Variants in XXYLT1 observed in about 807,000 individuals in gnomAD.
XXYLT1 encodes the protein xyloside xylosyltransferase 1, also known as UDP-xylose:alpha-xyloside alpha-1,3-xylosyltransferase.
XXYLT1 carries 20 observed loss-of-function variants against 28.9 expected under a neutral mutation model. That is an observed-to-expected ratio of 0.69 (90% confidence interval 0.49 to 1.00). The LOEUF (loss-of-function observed/expected upper bound fraction) is 1.00, where lower values mean the gene tolerates loss of function less well. Ranked by LOEUF, XXYLT1 falls within the 50% of genes least tolerant of loss-of-function variation. The probability of loss-of-function intolerance (pLI) is 0.00; values close to 1 mark genes in which losing one functional copy is unlikely to be tolerated. For synonymous variants in XXYLT1, 257 were observed against 253.8 expected, an observed-to-expected ratio of 1.01 and a Z score of -0.12; for missense variants, 542 against 560.1, an observed-to-expected ratio of 0.97 and a Z score of 0.33.
chr3:195,071,884 G>A (rs1201597181), intron 3 of XXYLT1, among the ~76,000 whole-genome samples: 2 of 152,132 alleles, frequency 1.3e-5, no homozygotes, highest in South Asian at 2.1e-4. Flanking sequence ...GGGTGGGAAC[G>A]AAGCGTTTAC....
chr3:195,068,429 AGAAAT>A lies in XXYLT1; in HGVS notation c.*1281_*1285del. Reference sequence around the variant, plus strand: ...CCTACGTACAGGAGGCCCCATCAAAAGAAATGACGCTTTAATTTCTGCTAAGGTCT... The same window carrying A: ...CCTACGTACAGGAGGCCCCATCAAAAGACGCTTTAATTTCTGCTAAGGTCT... On this transcript the variant is annotated 3_prime_UTR_variant, in exon 4 of 4. Transcript: ENST00000310380. 6.6e-6 allele frequency: 1 copy of A among 152,324 alleles called. No individual in the cohort carries two copies. Among genetic ancestry groups the A allele is most frequent in the Admixed American group, 6.5e-5 (1 of 15,300 alleles). The allele number at this position is 152,324 out of a possible 1,614,324, so 9.4% of individuals were successfully genotyped here.
intron 2 of XXYLT1, among the ~76,000 whole-genome samples, chr3:195,216,152 A>G (rs1177635861): frequency 6.6e-6 from 1 of 152,240 alleles, no homozygotes; most frequent in Non-Finnish European, 1.5e-5. Flanking sequence ...TCTGGGACAC[A>G]TTCAAAGCAG....
intron 3 of XXYLT1, among the ~76,000 whole-genome samples, chr3:195,145,725 T>C (rs754239591): frequency 1.3e-5 from 2 of 152,208 alleles, no homozygotes; most frequent in Non-Finnish European, 2.9e-5. Flanking sequence ...TAATGAGCGC[T>C]CGTCTACAGA....
rs1414432879 is a variant in XXYLT1, at chr3:195,133,002, T to C, written c.785+23447A>G. 1.3e-5 allele frequency among the ~76,000 whole-genome samples: 2 copies of C among 152,204 alleles called. No individual in the cohort carries two copies. The highest frequency in any genetic ancestry group is 1.3e-4 in the Admixed American group (2 of 15,274). On this transcript the variant is annotated intron_variant, in intron 3 of 3. Coordinates refer to ENST00000310380, the MANE Select transcript of XXYLT1 (RefSeq NM_152531.5). The surrounding 1 kb of genome is among the most constrained non-coding windows in gnomAD (Gnocchi z 4.4). ...CAAGGGCAGAAGTAACTACATTCTG[T>C]AAACTGAATCGTCCTGCTGAGTTCT...
intron 3 of XXYLT1, among the ~76,000 whole-genome samples, chr3:195,139,612 G>C (rs1378668884): frequency 6.6e-6 from 1 of 152,146 alleles, no homozygotes; most frequent in Non-Finnish European, 1.5e-5. Flanking sequence ...CCCTTAGCAG[G>C]TCCTGAAGAA....
chr3:195,234,309 ATTTTTTT>A (rs35536915), intron 1 of XXYLT1, among the ~76,000 whole-genome samples: 25 of 66,918 alleles, frequency 3.7e-4, no homozygotes, highest in African/African-American at 1.1e-3. Flanking sequence ...TGTTTGAAGG[ATTTTTTT>A]TTTTTTTTTT....
At chr3:195,229,061 C>T (rs1204416316) in intron 1 of XXYLT1, among the ~76,000 whole-genome samples, 2 of 152,160 alleles carry the variant, frequency 1.3e-5, no homozygotes, top group African/African-American at 4.8e-5. Flanking sequence ...GATCCACCCA[C>T]CTCAGCCTCC....
intron 3 of XXYLT1, among the ~76,000 whole-genome samples, chr3:195,119,991 C>A (rs1417486330): frequency 1.3e-5 from 2 of 152,180 alleles, no homozygotes; most frequent in Admixed American, 6.5e-5. Flanking sequence ...TCCCACTGGG[C>A]CCGCAGGATT....
intron 2 of XXYLT1, among the ~76,000 whole-genome samples, chr3:195,218,797 C>T (rs1248839757): frequency 1.3e-5 from 2 of 151,542 alleles, no homozygotes; most frequent in Non-Finnish European, 2.9e-5. Context: ...CCATTTGACC[C>T]AGCCATCCCA....
At chr3:195,101,430 C>G (rs541261598) in intron 3 of XXYLT1, among the ~76,000 whole-genome samples, 14 of 152,330 alleles carry the variant, frequency 9.2e-5, no homozygotes, top group African/African-American at 2.6e-4. Context: ...TTTGCAAAAC[C>G]ATTTCCTTCC....
At chr3:195,221,214 G>A (rs1261258045) in intron 2 of XXYLT1, among the ~76,000 whole-genome samples, 2 of 152,152 alleles carry the variant, frequency 1.3e-5, no homozygotes, top group Non-Finnish European at 2.9e-5. Flanking sequence ...AAGGCAAGTT[G>A]GAGAAAATTT....
intron 2 of XXYLT1, among the ~76,000 whole-genome samples, chr3:195,169,885 G>C (rs1164823505): frequency 3.6e-4 from 51 of 143,080 alleles, no homozygotes; most frequent in African/African-American, 1.2e-3. Flanking sequence ...TTTTTTTTGA[G>C]ATGGAGTTTT....
At chr3:195,139,342 A>T (rs1469807125) in intron 3 of XXYLT1, among the ~76,000 whole-genome samples, 1 of 151,932 alleles carries the variant, frequency 6.6e-6, no homozygotes, top group East Asian at 1.9e-4. Context: ...ACCTTCTAAG[A>T]GGCGGAAAAT....
At chr3:195,259,517 GC>G in intron 1 of XXYLT1, 1 of 967,808 alleles carries the variant, frequency 1.0e-6, no homozygotes, top group Non-Finnish European at 1.2e-6. Context: ...CTGCCAGGCG[GC>G]CCTTCCAGCA....
chr3:195,207,231 G>T (rs1278407491), intron 2 of XXYLT1, among the ~76,000 whole-genome samples: 2 of 152,160 alleles, frequency 1.3e-5, no homozygotes, highest in African/African-American at 2.4e-5. Context: ...AGCATATGGT[G>T]TGCAAAGCAG....
intron 1 of XXYLT1, chr3:195,260,198 T>A (rs1725635871): frequency 6.6e-6 from 1 of 150,400 alleles, no homozygotes; most frequent in Admixed American, 6.6e-5. Context: ...GCAGACGCGG[T>A]GCAGCGGCGC....
At position 195,220,262 on chromosome 3, in the gene XXYLT1, C is replaced by A. The variant is rs569786601; in HGVS notation, c.652+6447G>T. Among the ~76,000 whole-genome samples the A allele has an allele frequency of 8.5e-5, 13 of 152,324 alleles. No homozygotes were observed. The South Asian group carries it at 2.7e-3, about 32-fold the overall frequency. ...GTTCAAGCGATTCTCCCGCCTCAGC[C>A]TCCCAAGTAGCTGGGACTACAGGCG... is the stretch of plus-strand genomic sequence containing the variant. On this transcript the variant is annotated intron_variant, in intron 2 of 3. Coordinates refer to ENST00000310380, the MANE Select transcript of XXYLT1 (RefSeq NM_152531.5).
intron 1 of XXYLT1, among the ~76,000 whole-genome samples, chr3:195,253,788 C>T (rs1389964439): frequency 6.6e-6 from 1 of 152,130 alleles, no homozygotes; most frequent in Non-Finnish European, 1.5e-5. Context: ...CGTGAGCCAC[C>T]GCGCCCGGCC....
At chr3:195,260,341 G>A (rs1306520218) in intron 1 of XXYLT1, among the ~76,000 whole-genome samples, 1 of 152,018 alleles carries the variant, frequency 6.6e-6, no homozygotes, top group African/African-American at 2.4e-5. Context: ...CAGACGGGGG[G>A]CCCCGTGCTG....
Sources: allele counts gnomAD v4.1 joint callset (sites outside exome capture counted in the v4.1 genomes callset), GRCh38; gene constraint gnomAD v4.1.1; non-coding constraint Gnocchi (gnomAD v3.1); transcripts MANE v1.5; gene names NCBI Gene and HGNC (gene_info 2026-07-23, HGNC 2026-07-21).